SLC24A4: variants seen among roughly 807,000 people sequenced by gnomAD.
SLC24A4 encodes the protein solute carrier family 24 member 4.
Under a neutral mutation model 79.0 loss-of-function variants are expected in SLC24A4, and 53 were observed. The observed-to-expected ratio is 0.67, with a 90% confidence interval of 0.54 to 0.84. SLC24A4 has a LOEUF of 0.84. Ranked by LOEUF, SLC24A4 falls within the 40% of genes least tolerant of loss-of-function variation. The pLI is 0.00. For missense variants in SLC24A4, 731 were observed against 822.0 expected, an observed-to-expected ratio of 0.89 and a Z score of 1.35; for synonymous variants, 323 against 323.8, an observed-to-expected ratio of 1.00 and a Z score of 0.03.
At chr14:92,431,950 C>T (rs902796704) in intron 2 of SLC24A4, among the ~76,000 whole-genome samples, 2 of 152,194 alleles carry the variant, frequency 1.3e-5, no homozygotes, top group Admixed American at 6.5e-5. Flanking sequence ...ACTGTGAGTG[C>T]TGGCGTAGAT....
intron 2 of SLC24A4, among the ~76,000 whole-genome samples, chr14:92,403,820 G>T (rs1890235644): frequency 6.6e-6 from 1 of 151,940 alleles, no homozygotes; most frequent in Non-Finnish European, 1.5e-5. Context: ...CCCTCTCCTT[G>T]GGCACTGCCC....
At position 92,353,969 on chromosome 14, in the gene SLC24A4, C is replaced by T. The variant is rs983771569; in HGVS notation, c.241+27991C>T. Among the ~76,000 whole-genome samples the T allele has an allele frequency of 6.6e-6, 1 of 152,202 alleles. No homozygotes were observed. Among genetic ancestry groups the T allele is most frequent in the Non-Finnish European group, 1.5e-5 (1 of 68,044 alleles). On this transcript the variant is annotated intron_variant, in intron 2 of 16. Transcript: ENST00000532405. This position sits in a 1 kb window ranked among gnomAD's most constrained non-coding sequence, Gnocchi z 4.1. The stretch of plus-strand genomic sequence containing the variant: ...CTGACCCCGTGCTGGAGTCACCTCG[C>T]AGTCACTTGCTAAGAGAAATTAAGC...
intron 12 of SLC24A4, among the ~76,000 whole-genome samples, chr14:92,470,491 T>C (rs1010835184): frequency 6.6e-6 from 1 of 152,232 alleles, no homozygotes; most frequent in Non-Finnish European, 1.5e-5. Flanking sequence ...TTCTCCAGTC[T>C]GATTAGCCAT....
chr14:92,401,850 C>A (rs1419522046), intron 2 of SLC24A4, among the ~76,000 whole-genome samples: 1 of 152,140 alleles, frequency 6.6e-6, no homozygotes, highest in Non-Finnish European at 1.5e-5. Flanking sequence ...CCCTCCCCTA[C>A]CAAATGCTCC....
chr14:92,418,295 C>T (rs1019576826), intron 2 of SLC24A4, among the ~76,000 whole-genome samples: 1 of 152,138 alleles, frequency 6.6e-6, no homozygotes, highest in African/African-American at 2.4e-5. Flanking sequence ...CTGTGAGGCT[C>T]CTCCTTGAAC....
intron 2 of SLC24A4, among the ~76,000 whole-genome samples, chr14:92,334,616 C>T (rs1279189965): frequency 2.0e-5 from 3 of 152,194 alleles, no homozygotes; most frequent in Non-Finnish European, 4.4e-5. Flanking sequence ...CCAGAAAAGG[C>T]TCCTTCCCGT....
intron 2 of SLC24A4, among the ~76,000 whole-genome samples, chr14:92,373,232 C>T (rs187950842): frequency 0.015 from 2,215 of 150,578 alleles, 52 homozygotes; most frequent in African/African-American, 0.049. Flanking sequence ...TTAGTAGAAA[C>T]GGGGTTTCAC....
intron 2 of SLC24A4, among the ~76,000 whole-genome samples, chr14:92,329,809 C>T (rs912793125): frequency 6.6e-6 from 1 of 152,248 alleles, no homozygotes; most frequent in African/African-American, 2.4e-5. Flanking sequence ...GCCCTCCTCC[C>T]TATGTTGTTT....
At chr14:92,436,561 A>G (rs1330824184) in intron 3 of SLC24A4, among the ~76,000 whole-genome samples, 2 of 152,256 alleles carry the variant, frequency 1.3e-5, no homozygotes, top group Non-Finnish European at 2.9e-5. Flanking sequence ...AAATATTACT[A>G]TCTAACCCTT....
intron 2 of SLC24A4, among the ~76,000 whole-genome samples, chr14:92,413,099 T>C (rs573466131): frequency 2.6e-5 from 4 of 152,316 alleles, no homozygotes. Flanking sequence ...GCCTGAAATA[T>C]TTACTGTCTG....
intron 9 of SLC24A4, among the ~76,000 whole-genome samples, chr14:92,447,934 G>GCTACCCAGGTCAGAACCATCTCAAAA (rs1300290742): frequency 2.0e-5 from 3 of 152,206 alleles, no homozygotes; most frequent in Non-Finnish European, 4.4e-5. Context: ...CCCTCGAGAA[G>GCTACCCAGGTCAGAACCATCTCAAAA]CTACCCAGGT....
At chr14:92,471,560 A>G (rs368546091) in intron 12 of SLC24A4, among the ~76,000 whole-genome samples, 12 of 152,270 alleles carry the variant, frequency 7.9e-5, no homozygotes, top group Middle Eastern at 3.4e-3. Context: ...CCCTTGTTAT[A>G]TTATACACCC....
intron 10 of SLC24A4, chr14:92,452,121 CT>C (rs1893174837): frequency 6.6e-6 from 1 of 152,136 alleles, no homozygotes; most frequent in South Asian, 2.1e-4. Flanking sequence ...AGAATACTAC[CT>C]AGAGAGTGTG....
intron 2 of SLC24A4, among the ~76,000 whole-genome samples, chr14:92,391,054 C>A (rs1189392584): frequency 1.3e-5 from 2 of 152,206 alleles, no homozygotes; most frequent in African/African-American, 4.8e-5. Flanking sequence ...TGCTGCTGGG[C>A]TCCCAGGGTC....
rs772385856 is a variant in SLC24A4 at position 92,482,692 on chromosome 14, A to G, written c.1268A>G (p.Asp423Gly). ...CTTCACCCTGCAGAGGCCAGAGGGG[A>G]CAAGGTCAAGTGGGTGTTCACCTGG... is the stretch of plus-strand genomic sequence containing the variant. ...SPFSVPEARG[D>G]KVKWVFTWPL... The change falls in exon 13 of 17, where the codon GAC (aspartate) becomes GGC (glycine). Residue 423 changes from aspartate (D) to glycine (G), a missense_variant. Coordinates refer to ENST00000532405, the MANE Select transcript of SLC24A4 (RefSeq NM_153646.4). 3.1e-6 allele frequency: 5 copies of G among 1,613,280 alleles called. No individual in the cohort carries two copies. In the East Asian group the frequency reaches 6.7e-5, roughly 22 times the overall value.
intron 2 of SLC24A4, among the ~76,000 whole-genome samples, chr14:92,375,719 G>A (rs187076268): frequency 1.4e-4 from 22 of 152,304 alleles, no homozygotes; most frequent in Admixed American, 4.6e-4. Flanking sequence ...GCCGCATACC[G>A]TATGATTTAA....
intron 2 of SLC24A4, among the ~76,000 whole-genome samples, chr14:92,355,814 C>T (rs916528406): frequency 1.3e-5 from 2 of 152,152 alleles, no homozygotes; most frequent in Non-Finnish European, 2.9e-5. Flanking sequence ...GTACCCTGAG[C>T]GTGGTAGCTC....
intron 2 of SLC24A4, among the ~76,000 whole-genome samples, chr14:92,413,716 G>C (rs1018230752): frequency 6.6e-6 from 1 of 152,150 alleles, no homozygotes; most frequent in African/African-American, 2.4e-5. Flanking sequence ...GCTTCCTTCC[G>C]TTCCGGGGAC....
chr14:92,492,770 C>A, intron 16 of SLC24A4: 2 of 437,634 alleles, frequency 4.6e-6, no homozygotes, highest in Non-Finnish European at 4.6e-6. Context: ...AATGGCAAAG[C>A]TAGGATTTGA....
Sources: gnomAD v4.1 joint callset for allele counts (sites outside exome capture counted in the v4.1 genomes callset) on GRCh38, gnomAD v4.1.1 for gene constraint, Gnocchi (gnomAD v3.1) non-coding constraint, MANE v1.5 for transcripts, NCBI Gene and HGNC (gene_info 2026-07-23, HGNC 2026-07-21) for gene names.